RIT2: variants seen among roughly 807,000 people sequenced by gnomAD.
RIT2 encodes the protein Ras like without CAAX 2, also known as GTP-binding protein Rit2.
Under a neutral mutation model 23.7 loss-of-function variants are expected in RIT2, and 24 were observed. The observed-to-expected ratio is 1.01, with a 90% CI of 0.73 to 1.43. The LOEUF is 1.43. Ranked by LOEUF, RIT2 falls within the 40% of genes most tolerant of loss-of-function variation. The probability of loss-of-function intolerance (pLI) is 0.00; values close to 1 mark genes in which losing one functional copy is unlikely to be tolerated. For missense variants in RIT2, 236 were observed against 266.9 expected (o/e 0.88, Z 0.81); for synonymous variants, 107 against 91.1 (o/e 1.17, Z -0.99).
intron 4 of RIT2, among the ~76,000 whole-genome samples, chr18:42,798,663 T>C (rs1905440941): frequency 6.6e-6 from 1 of 152,266 alleles, no homozygotes; most frequent in Non-Finnish European, 1.5e-5. Context: ...TTGCACCTTA[T>C]GTTCTACTCT....
chr18:43,109,725 C>T (rs532557087), intron 1 of RIT2, among the ~76,000 whole-genome samples: 13 of 152,248 alleles, frequency 8.5e-5, no homozygotes, highest in African/African-American at 3.1e-4. Flanking sequence ...TGAGATGGTG[C>T]ACTCCCAGAG....
intron 2 of RIT2, among the ~76,000 whole-genome samples, chr18:43,029,013 C>A (rs1285055375): frequency 1.3e-5 from 2 of 151,962 alleles, no homozygotes; most frequent in African/African-American, 4.8e-5. Context: ...GTCTAACAGC[C>A]ATTGAGCACG....
rs539396710 is a variant in RIT2 at position 43,005,516 on chromosome 18, TTACTC to T, written c.160+28290_160+28294del. Among the ~76,000 whole-genome samples, 669 of 151,940 alleles carry T rather than the reference TTACTC, an allele frequency of 4.4e-3. 4 individuals carry two copies. Among genetic ancestry groups the T allele is most frequent in the African/African-American group, 0.015 (630 of 41,534 alleles). On this transcript the variant is annotated intron_variant, in intron 2 of 4. Transcript: ENST00000326695. ...TTTTCCATTAGGAGAACTCACTTAA[TTACTC>T]TAAAGTAAGTCTCCTGCTGGGCAGT... is the stretch of plus-strand genomic sequence containing the variant.
chr18:43,101,349 C>T (rs1350953457), intron 1 of RIT2, among the ~76,000 whole-genome samples: 1 of 151,944 alleles, frequency 6.6e-6, no homozygotes, highest in Non-Finnish European at 1.5e-5. Flanking sequence ...GCAGTGTAGT[C>T]TTTTTAAATT....
intron 4 of RIT2, among the ~76,000 whole-genome samples, chr18:42,794,590 T>TA (rs1914114071): frequency 1.3e-5 from 2 of 152,202 alleles, no homozygotes; most frequent in Admixed American, 1.3e-4. Flanking sequence ...AGTTAAATCT[T>TA]AGAGACACAG....
intron 1 of RIT2, among the ~76,000 whole-genome samples, chr18:43,039,191 T>C (rs72904963): frequency 0.059 from 9,012 of 152,230 alleles, 332 homozygotes; most frequent in South Asian, 0.12. Context: ...TAGCGTTATA[T>C]GGCTTTCTTT....
intron 1 of RIT2, among the ~76,000 whole-genome samples, chr18:43,087,142 T>C (rs1913302969): frequency 6.6e-6 from 1 of 151,924 alleles, no homozygotes; most frequent in African/African-American, 2.4e-5. Context: ...AGCTACATTC[T>C]GAGGTATGAG....
rs576010234 is a variant in RIT2, at chr18:43,089,462, G to A, written c.103+25955C>T. Among the ~76,000 whole-genome samples the A allele has an allele frequency of 2.6e-5, 4 of 151,938 alleles. No individual in the cohort carries two copies. The South Asian group carries it at 6.2e-4, about 24-fold the overall frequency. ...AAGTGGAAAAACATTCCAAGGTCAT[G>A]GATAGAAAGAATCAATATAGTTAAA... is the stretch of plus-strand genomic sequence containing the variant. On this transcript the variant is annotated intron_variant, in intron 1 of 4. Coordinates refer to ENST00000326695, the MANE Select transcript of RIT2 (RefSeq NM_002930.4).
chr18:43,017,345 C>T (rs1911498337), intron 2 of RIT2, among the ~76,000 whole-genome samples: 2 of 150,752 alleles, frequency 1.3e-5, no homozygotes, highest in South Asian at 4.2e-4. Flanking sequence ...ACATAATTGG[C>T]TTATTAGGAG....
At chr18:42,810,126 TA>T (rs35798358) in intron 4 of RIT2, among the ~76,000 whole-genome samples, 10,354 of 148,750 alleles carry the variant, frequency 0.07, 1,148 homozygotes, top group African/African-American at 0.24. Context: ...ATGTATCAAT[TA>T]AAAAAAATCC....
chr18:42,856,391 A>G (rs1907182683), intron 4 of RIT2, among the ~76,000 whole-genome samples: 1 of 152,154 alleles, frequency 6.6e-6, no homozygotes, highest in South Asian at 2.1e-4. Flanking sequence ...TTGCCCAATC[A>G]TATTTCTGTA....
At position 43,100,540 on chromosome 18, in the gene RIT2, C is replaced by A. The variant is rs193110978; in HGVS notation, c.103+14877G>T. 9.9e-5 allele frequency among the ~76,000 whole-genome samples: 15 copies of A among 152,000 alleles called. No homozygotes were observed. In the East Asian group the frequency reaches 2.9e-3, roughly 29 times the overall value. ...TGCTGTGTTAATAAATTGTAGGAGA[C>A]AATTGAAACATGGAGAAGGGCTAGT... On this transcript the variant is annotated intron_variant, in intron 1 of 4. Coordinates refer to ENST00000326695, the MANE Select transcript of RIT2 (RefSeq NM_002930.4).
chr18:42,929,362 A>G (rs900843164), intron 3 of RIT2, among the ~76,000 whole-genome samples: 1 of 152,098 alleles, frequency 6.6e-6, no homozygotes, highest in African/African-American at 2.4e-5. Flanking sequence ...TTTTCAATGT[A>G]AGCCTTGCCA....
At chr18:42,999,234 C>T (rs890366456) in intron 2 of RIT2, among the ~76,000 whole-genome samples, 4 of 151,958 alleles carry the variant, frequency 2.6e-5, no homozygotes, top group African/African-American at 9.7e-5. Flanking sequence ...TTCATAGGCA[C>T]TATGAGCAAT....
In RIT2 at chr18:42,796,484, C is replaced by T. The variant is rs373806037; in HGVS notation, c.427-52764G>A. 4.6e-3 allele frequency among the ~76,000 whole-genome samples: 698 copies of T among 152,346 alleles called. 6 individuals carry two copies. Among genetic ancestry groups the T allele is most frequent in the African/African-American group, 0.016 (661 of 41,584 alleles). On this transcript the variant is annotated intron_variant, in intron 4 of 4. Coordinates refer to ENST00000326695, the MANE Select transcript of RIT2 (RefSeq NM_002930.4). ...CACCAATTCCGGACACAGCTGGGTG[C>T]TGTGCCCAGGGTTTTACATGGGTTT... is the stretch of plus-strand genomic sequence containing the variant.
At chr18:42,825,219 G>T (rs969432186) in intron 4 of RIT2, among the ~76,000 whole-genome samples, 13 of 151,628 alleles carry the variant, frequency 8.6e-5, no homozygotes, top group African/African-American at 2.9e-4. Context: ...TAAGTATATG[G>T]AGAATATGGG....
chr18:42,992,805 C>G (rs2144230274), intron 2 of RIT2, among the ~76,000 whole-genome samples: 1 of 152,254 alleles, frequency 6.6e-6, no homozygotes, highest in Admixed American at 6.5e-5. Context: ...TATAAAAACC[C>G]AGCCCAGTTC....
chr18:42,935,546 C>G (rs1909433359), intron 3 of RIT2, among the ~76,000 whole-genome samples: 1 of 152,094 alleles, frequency 6.6e-6, no homozygotes, highest in Admixed American at 6.5e-5. Context: ...GGTGCCTCTG[C>G]TGGATCCTAA....
intron 2 of RIT2, among the ~76,000 whole-genome samples, chr18:42,991,840 A>G (rs1209723269): frequency 1.3e-5 from 2 of 150,988 alleles, no homozygotes; most frequent in Non-Finnish European, 2.9e-5. Flanking sequence ...AAATGGCCCC[A>G]CCCCATCTCC....
Sources: gnomAD v4.1 joint callset for allele counts (sites outside exome capture counted in the v4.1 genomes callset) on GRCh38, gnomAD v4.1.1 for gene constraint, MANE v1.5 for transcripts, NCBI Gene and HGNC (gene_info 2026-07-23, HGNC 2026-07-21) for gene names.